ROBO2: variants seen among roughly 807,000 people sequenced by gnomAD.
ROBO2 encodes the protein roundabout homolog 2.
ROBO2 carries 53 observed loss-of-function variants against 160.8 expected under a neutral mutation model. That is an observed-to-expected ratio of 0.33 (90% confidence interval 0.26 to 0.41). ROBO2 has a LOEUF of 0.41. Among genes scored for constraint, ROBO2 ranks in the 10% least tolerant of loss-of-function variants. The pLI, the probability that ROBO2 is intolerant of heterozygous loss-of-function variation, is 1.00. For missense variants in ROBO2, 1,577 were observed against 1,722.4 expected (o/e 0.92, Z 1.49); for synonymous variants, 664 against 611.7 (o/e 1.09, Z -1.26).
intron 2 of ROBO2, among the ~76,000 whole-genome samples, chr3:77,265,059 T>C (rs1580483917): frequency 2.0e-5 from 3 of 152,168 alleles, no homozygotes; most frequent in South Asian, 4.1e-4. Context: ...AATTGGAATA[T>C]GGTATCATTA....
At chr3:77,015,138 T>C (rs2062159195) in intron 2 of ROBO2, among the ~76,000 whole-genome samples, 1 of 152,108 alleles carries the variant, frequency 6.6e-6, no homozygotes, top group African/African-American at 2.4e-5. Context: ...ATGCGACTCA[T>C]CATAAGAGCC....
chr3:76,143,270 G>A lies in ROBO2; in HGVS notation c.109+205668G>A, dbSNP rs371052402. 2.1e-4 allele frequency among the ~76,000 whole-genome samples: 32 copies of A among 152,072 alleles called. No homozygotes were observed. In the South Asian group the frequency reaches 6.4e-3, roughly 31 times the overall value. Reference sequence around the variant, plus strand: ...GGTCATGAAATCCCTGCCTCAAGGAGTCGTCTCTCCTCTGCCTCCGAAAGT... The same window carrying A: ...GGTCATGAAATCCCTGCCTCAAGGAATCGTCTCTCCTCTGCCTCCGAAAGT... On this transcript the variant is annotated intron_variant, in intron 2 of 26. Transcript: ENST00000487694.
intron 2 of ROBO2, among the ~76,000 whole-genome samples, chr3:76,041,691 G>A (rs895195942): frequency 1.3e-5 from 2 of 151,736 alleles, no homozygotes; most frequent in South Asian, 2.1e-4. Context: ...ATAAGTATTG[G>A]CATTTGGATA....
At chr3:77,524,954 A>C (rs2090987487) in intron 6 of ROBO2, among the ~76,000 whole-genome samples, 1 of 151,366 alleles carries the variant, frequency 6.6e-6, no homozygotes, top group Admixed American at 6.6e-5. Flanking sequence ...TATAATGTAG[A>C]GTAAAATACT....
At chr3:76,265,614 C>A (rs1261579264) in intron 2 of ROBO2, among the ~76,000 whole-genome samples, 2 of 152,028 alleles carry the variant, frequency 1.3e-5, no homozygotes, top group African/African-American at 2.4e-5. Flanking sequence ...TGAGCACCTG[C>A]AAAGTGTTAT....
At chr3:77,006,028 G>A (rs1194393881) in intron 2 of ROBO2, among the ~76,000 whole-genome samples, 1 of 147,592 alleles carries the variant, frequency 6.8e-6, no homozygotes, top group Non-Finnish European at 1.5e-5. Flanking sequence ...TTGAGCTTTA[G>A]ATATATTTGC....
At chr3:76,113,840 C>T (rs940993290) in intron 2 of ROBO2, among the ~76,000 whole-genome samples, 21 of 152,090 alleles carry the variant, frequency 1.4e-4, no homozygotes, top group African/African-American at 4.3e-4. Flanking sequence ...AATGGCTTGG[C>T]GCACTCCCTG....
intron 21 of ROBO2, among the ~76,000 whole-genome samples, chr3:77,615,194 T>C (rs2094744450): frequency 6.6e-6 from 1 of 152,044 alleles, no homozygotes; most frequent in Non-Finnish European, 1.5e-5. Flanking sequence ...TTAAATAAAG[T>C]TTATTTTTAC....
intron 2 of ROBO2, among the ~76,000 whole-genome samples, chr3:75,997,649 G>T (rs896931647): frequency 2.6e-5 from 4 of 151,896 alleles, no homozygotes; most frequent in Non-Finnish European, 5.9e-5. Flanking sequence ...CCGCCACCAT[G>T]CCTGGCTAAT....
intron 2 of ROBO2, among the ~76,000 whole-genome samples, chr3:77,260,723 T>C (rs1435925660): frequency 6.6e-6 from 1 of 152,176 alleles, no homozygotes; most frequent in African/African-American, 2.4e-5. Flanking sequence ...GTTTGTCCAA[T>C]TATTCGATGA....
chr3:77,452,532 A>G (rs572078844), intron 2 of ROBO2, among the ~76,000 whole-genome samples: 53 of 152,318 alleles, frequency 3.5e-4, no homozygotes, highest in South Asian at 1.9e-3. Context: ...GTGGACACCA[A>G]TTATACATTC....
intron 2 of ROBO2, among the ~76,000 whole-genome samples, chr3:76,136,158 C>A (rs2071421850): frequency 6.6e-6 from 1 of 151,954 alleles, no homozygotes; most frequent in Non-Finnish European, 1.5e-5. Flanking sequence ...TTAATACTCT[C>A]TTGACAGCAT....
chr3:76,364,702 G>A (rs2075712772), intron 2 of ROBO2, among the ~76,000 whole-genome samples: 1 of 152,008 alleles, frequency 6.6e-6, no homozygotes. Context: ...GAAAACTTTG[G>A]AAGAAATGAA....
At chr3:77,182,441 T>C (rs556081404) in intron 2 of ROBO2, among the ~76,000 whole-genome samples, 92 of 152,192 alleles carry the variant, frequency 6.0e-4, no homozygotes, top group Non-Finnish European at 1.2e-3. Flanking sequence ...AATAGAGGCA[T>C]GTGCAAGCTT....
At chr3:76,965,765 C>A (rs1451834536) in intron 2 of ROBO2, among the ~76,000 whole-genome samples, 1 of 110,868 alleles carries the variant, frequency 9.0e-6, no homozygotes, top group Non-Finnish European at 1.8e-5. Context: ...AGTTGCTATA[C>A]CATTATTTAT....
At chr3:76,813,688 C>T (rs2065400536) in intron 2 of ROBO2, among the ~76,000 whole-genome samples, 1 of 152,062 alleles carries the variant, frequency 6.6e-6, no homozygotes, top group Non-Finnish European at 1.5e-5. Context: ...CTATTGTGTT[C>T]TATCTGGTAA....
At chr3:76,914,712 T>C (rs2076203182) in intron 2 of ROBO2, among the ~76,000 whole-genome samples, 1 of 152,178 alleles carries the variant, frequency 6.6e-6, no homozygotes, top group African/African-American at 2.4e-5. Flanking sequence ...GATACTACTT[T>C]TGACTACACC....
chr3:76,726,782 C>T (rs1217712058), intron 2 of ROBO2, among the ~76,000 whole-genome samples: 1 of 151,998 alleles, frequency 6.6e-6, no homozygotes, highest in Non-Finnish European at 1.5e-5. Flanking sequence ...AAATATCTGA[C>T]AAATATATAA....
At chr3:77,344,543 G>T (rs995318158) in intron 2 of ROBO2, among the ~76,000 whole-genome samples, 1 of 152,166 alleles carries the variant, frequency 6.6e-6, no homozygotes, top group East Asian at 1.9e-4. Context: ...CCATCTGTGG[G>T]CCAGACAGTG....
Sources: allele counts gnomAD v4.1 joint callset (sites outside exome capture counted in the v4.1 genomes callset), GRCh38; gene constraint gnomAD v4.1.1; transcripts MANE v1.5; gene names NCBI Gene and HGNC (gene_info 2026-07-23, HGNC 2026-07-21).